Variants in C18orf54 observed in about 807,000 individuals in gnomAD.
C18orf54 encodes the protein lung adenoma susceptibility protein 2.
In C18orf54, 49 loss-of-function variants were observed where a neutral mutation model predicts 49.3. That is an observed-to-expected ratio of 0.99 (90% CI 0.79 to 1.26). The LOEUF (loss-of-function observed/expected upper bound fraction) is 1.26. Among genes scored for constraint, C18orf54 ranks in the 50% most tolerant of loss-of-function variants. The pLI, the probability that C18orf54 is intolerant of heterozygous loss-of-function variation, is 0.00. For missense variants in C18orf54, 687 were observed against 620.6 expected (o/e 1.11, Z -1.14); for synonymous variants, 211 against 216.6 (o/e 0.97, Z 0.23).
In C18orf54 at chr18:54,381,436, A is replaced by G. The variant is rs1185562866; in HGVS notation, c.*3190A>G. On this transcript the variant is annotated 3_prime_UTR_variant, in exon 9 of 9. Coordinates refer to ENST00000620105, the MANE Select transcript of C18orf54 (RefSeq NM_001288980.2). ...TCAAATAGCTATTTCAACCTTTAACATCTACTGTCTTAGTCTTTTACACAG... is the reference window on the plus strand; with the variant it reads ...TCAAATAGCTATTTCAACCTTTAACGTCTACTGTCTTAGTCTTTTACACAG... 1.3e-5 allele frequency: 2 copies of G among 152,104 alleles called. No individual in the cohort carries two copies. The highest frequency in any genetic ancestry group is 3.9e-4 in the East Asian group (2 of 5,184). The allele number at this position is 152,104 out of a possible 1,614,324, so 9.4% of individuals were successfully genotyped here.
Position 54,360,535 on chromosome 18 carries a change from A to G in C18orf54, c.-38A>G. On this transcript the variant is annotated 5_prime_UTR_variant, in exon 3 of 9. Transcript: ENST00000620105. ...TCGTTTTTGTATTACAGTTGTTTTTAAGGGAAATGAATAGAAACAATCCAC... is the reference window on the plus strand; with the variant it reads ...TCGTTTTTGTATTACAGTTGTTTTTGAGGGAAATGAATAGAAACAATCCAC... The G allele has an allele frequency of 6.3e-7, 1 of 1,592,884 alleles. No individual in the cohort carries two copies. The highest frequency in any genetic ancestry group is 1.1e-5 in the South Asian group (1 of 88,906).
chr18:54,372,598 GTA>G lies in C18orf54; in HGVS notation c.1458+2_1458+3del. On this transcript the variant is annotated splice_donor_variant and splice_donor_region_variant and intron_variant, in intron 7 of 8. Coordinates refer to ENST00000620105, the MANE Select transcript of C18orf54 (RefSeq NM_001288980.2). LOFTEE classifies it high-confidence loss of function. ...AGATCCAAAAGAAGAGATTAAACAA[GTA>G]AGCACAAACATGATTTATGAATTGA... 6.3e-7 allele frequency: 1 copy of G among 1,588,878 alleles called. No homozygotes were observed. The highest frequency in any genetic ancestry group is 8.6e-7 in the Non-Finnish European group (1 of 1,167,604).
At chr18:54,361,272 T>C (rs763711607) in intron 3 of C18orf54, among the ~76,000 whole-genome samples, 7 of 152,172 alleles carry the variant, frequency 4.6e-5, no homozygotes, top group Admixed American at 1.3e-4. Context: ...AGAAAACAAG[T>C]TATTTTTCCA....
intron 5 of C18orf54, 43 bp downstream of exon 5, chr18:54,362,964 A>T: frequency 6.5e-7 from 1 of 1,541,012 alleles, no homozygotes; most frequent in Non-Finnish European, 8.8e-7. Context: ...TTTCCAAATG[A>T]AAAATGTCAT....
intron 6 of C18orf54, among the ~76,000 whole-genome samples, chr18:54,370,185 G>T (rs2089461021): frequency 6.6e-6 from 1 of 151,326 alleles, no homozygotes; most frequent in African/African-American, 2.4e-5. Context: ...GCTGAGGCAG[G>T]AGAATGATGT....
At chr18:54,372,051 C>T (rs2089494915) in intron 6 of C18orf54, among the ~76,000 whole-genome samples, 1 of 152,000 alleles carries the variant, frequency 6.6e-6, no homozygotes, top group Non-Finnish European at 1.5e-5. Flanking sequence ...GTTATAAAAA[C>T]ATATTTTAAA....
At chr18:54,365,992 T>A (rs1199973232) in intron 6 of C18orf54, among the ~76,000 whole-genome samples, 171 bp downstream of exon 6, 2 of 151,678 alleles carry the variant, frequency 1.3e-5, no homozygotes, top group East Asian at 1.9e-4. Flanking sequence ...TATAATATTT[T>A]AAATTTTTAA....
At chr18:54,376,536 G>T (rs1374698622) in intron 8 of C18orf54, among the ~76,000 whole-genome samples, 2 of 152,108 alleles carry the variant, frequency 1.3e-5, no homozygotes, top group Non-Finnish European at 2.9e-5. Context: ...GTTTTGCCAT[G>T]TTGGCCAGGC....
intron 6 of C18orf54, among the ~76,000 whole-genome samples, chr18:54,366,364 A>G (rs941331663): frequency 1.3e-4 from 20 of 152,150 alleles, no homozygotes; most frequent in African/African-American, 3.6e-4. Flanking sequence ...GCTTTCCCAT[A>G]TAAGTGAGAA....
chr18:54,371,630 A>G (rs2089487866), intron 6 of C18orf54, among the ~76,000 whole-genome samples: 1 of 152,152 alleles, frequency 6.6e-6, no homozygotes, highest in African/African-American at 2.4e-5. Flanking sequence ...CCTGTTCTAT[A>G]ACTGTGGAAG....
intron 6 of C18orf54, among the ~76,000 whole-genome samples, chr18:54,366,956 T>G (rs555505325): frequency 3.9e-5 from 6 of 152,144 alleles, no homozygotes; most frequent in Non-Finnish European, 8.8e-5. Flanking sequence ...TAGTCTGATT[T>G]GTCTCGTATA....
intron 8 of C18orf54, among the ~76,000 whole-genome samples, chr18:54,376,912 A>G (rs2144757019): frequency 6.6e-6 from 1 of 152,338 alleles, no homozygotes; most frequent in Non-Finnish European, 1.5e-5. Context: ...TTTATTGAAC[A>G]ACTACTGTGT....
rs77952069 is a variant in C18orf54 at position 54,360,682 on chromosome 18, C to T, written c.110C>T (p.Ser37Leu). The T allele has an allele frequency of 1.0e-3, 1,625 of 1,614,076 alleles. 11 individuals carry two copies. In the African/African-American group the frequency reaches 0.016, roughly 16 times the overall value. Residue 37 changes from serine (S) to leucine (L), a missense_variant, in exon 3 of 9, where the codon TCG (serine) becomes TTG (leucine). Coordinates refer to ENST00000620105, the MANE Select transcript of C18orf54 (RefSeq NM_001288980.2). ...AGTAATTCCTCTAATTCTGATGGCT[C>T]GTTTCACTATAAAGATAAGCTGTAC... ...SGSNSSNSDG[S>L]FHYKDKLYRS...
rs1461305762 is a variant in C18orf54, at chr18:54,378,761, A to G, written c.*515A>G. ...AAGTCTGTTACTTTGAAATTTTCAT[A>G]AATTTAATATTTAAGATACATTGTA... On this transcript the variant is annotated 3_prime_UTR_variant, in exon 9 of 9. Coordinates refer to ENST00000620105, the MANE Select transcript of C18orf54 (RefSeq NM_001288980.2). 1 of 152,254 alleles carries G rather than the reference A, an allele frequency of 6.6e-6. No individual in the cohort carries two copies. The highest frequency in any genetic ancestry group is 2.4e-5 in the African/African-American group (1 of 41,466). 9.4% of individuals were successfully genotyped at this position (152,254 alleles called of 1,614,324 possible). A position where few individuals can be genotyped will look rare whatever the true frequency, so the allele number is the denominator to read the frequency against.
At chr18:54,376,396 G>A (rs1370996171) in intron 8 of C18orf54, among the ~76,000 whole-genome samples, 6 of 152,114 alleles carry the variant, frequency 3.9e-5, no homozygotes, top group African/African-American at 7.2e-5. Flanking sequence ...ATGGGGTTTC[G>A]CCATGTTGGC....
At chr18:54,365,871 A>G in intron 6 of C18orf54, 50 bp downstream of exon 6, 1 of 1,063,452 alleles carries the variant, frequency 9.4e-7, no homozygotes, top group African/African-American at 1.6e-5. Flanking sequence ...TATGAATAAT[A>G]TGTAGATACT....
rs1252314098 is a variant in C18orf54, at chr18:54,361,832, G to A, written c.473G>A (p.Arg158Lys). The change falls in exon 4 of 9, where the codon AGA (arginine) becomes AAA (lysine). Residue 158 changes from arginine to lysine, a missense_variant. Transcript: ENST00000620105. ...AAGAAAAACAAGAAATGCCGTGGAAGACTGGGTTCATTGGACATTGAGAAG... is the reference window on the plus strand; with the variant it reads ...AAGAAAAACAAGAAATGCCGTGGAAAACTGGGTTCATTGGACATTGAGAAG... ...TSKKNKKCRG[R>K]LGSLDIEKNP... is the part of the protein sequence containing the mutation. The A allele has an allele frequency of 5.0e-6, 8 of 1,614,052 alleles. No individual in the cohort carries two copies. The highest frequency in any genetic ancestry group is 5.9e-6 in the Non-Finnish European group (7 of 1,179,982).
Position 54,360,857 on chromosome 18 carries a change from T to C in C18orf54, c.283+2T>C. 1.2e-6 allele frequency: 2 copies of C among 1,606,774 alleles called. No homozygotes were observed. Among genetic ancestry groups the C allele is most frequent in the Non-Finnish European group, 1.7e-6 (2 of 1,175,636 alleles). On this transcript the variant is annotated splice_donor_variant, in intron 3 of 8. Coordinates refer to ENST00000620105, the MANE Select transcript of C18orf54 (RefSeq NM_001288980.2). LOFTEE classifies it high-confidence loss of function. ...ACTATATTTACAAACCAAACAATGG[T>C]ATGCTTTTATTCTTTGTTTTCTTTG...
In C18orf54 at chr18:54,361,698, C is replaced by T. The variant is rs776268626; in HGVS notation, c.339C>T (p.His113=). 1 of 1,612,994 alleles carries T rather than the reference C, an allele frequency of 6.2e-7. No individual in the cohort carries two copies. The highest frequency in any genetic ancestry group is 1.1e-5 in the South Asian group (1 of 90,764). The change falls in exon 4 of 9, where the codon CAC becomes CAT. Residue 113 remains histidine (H), a synonymous_variant. Transcript: ENST00000620105. The part of the protein sequence containing the change: ...KHSNFISCRR[H]TVNDIDSMSL... ...CAAACTTCATATCCTGTAGAAGACA[C>T]ACCGTTAATGACATAGACTCCATGA...
Sources: allele counts gnomAD v4.1 joint callset (sites outside exome capture counted in the v4.1 genomes callset), GRCh38; gene constraint gnomAD v4.1.1; transcripts MANE v1.5; gene names NCBI Gene and HGNC (gene_info 2026-07-23, HGNC 2026-07-21).